The following PTPRR variants were observed in gnomAD, a reference collection of about 807,000 sequenced individuals.
PTPRR encodes protein tyrosine phosphatase receptor type R.
A neutral mutation model predicts 77.2 loss-of-function variants in PTPRR; 38 were observed. The observed-to-expected ratio is 0.49, with a 90% CI of 0.38 to 0.65. The LOEUF (loss-of-function observed/expected upper bound fraction) is 0.65. Ranked by LOEUF, PTPRR falls within the 30% of genes least tolerant of loss-of-function variation. PTPRR has a pLI of 0.00. For missense variants in PTPRR, 744 were observed against 799.2 expected (o/e 0.93, Z 0.83); for synonymous variants, 299 against 283.1 (o/e 1.06, Z -0.57).
At chr12:70,768,260 A>C (rs1385425953) in intron 2 of PTPRR, among the ~76,000 whole-genome samples, 1 of 152,232 alleles carries the variant, frequency 6.6e-6, no homozygotes, top group East Asian at 1.9e-4. Flanking sequence ...AAATTGATAG[A>C]CTGCTAGCAA....
chr12:70,666,963 T>G (rs1887029873), intron 10 of PTPRR, among the ~76,000 whole-genome samples: 2 of 116,246 alleles, frequency 1.7e-5, no homozygotes, highest in East Asian at 3.0e-4. Context: ...TTTTTTTTTT[T>G]TTTTTTTTTT....
At position 70,711,387 on chromosome 12, in the gene PTPRR, T is replaced by C. The variant is rs1176466848; in HGVS notation, c.1008-10064A>G. ...GGGGAAAAACACACACTGGAGCCTATTGGAGGGTAGAGAGTGGGAGGAGGA... is the reference window on the plus strand; with the variant it reads ...GGGGAAAAACACACACTGGAGCCTACTGGAGGGTAGAGAGTGGGAGGAGGA... On this transcript the variant is annotated intron_variant, in intron 6 of 13. Transcript: ENST00000283228. 5.3e-5 allele frequency among the ~76,000 whole-genome samples: 8 copies of C among 152,116 alleles called. No individual in the cohort carries two copies. In the East Asian group the frequency reaches 1.5e-3, roughly 29 times the overall value.
At chr12:70,663,772 T>C (rs956780673) in intron 10 of PTPRR, among the ~76,000 whole-genome samples, 1 of 152,224 alleles carries the variant, frequency 6.6e-6, no homozygotes, top group African/African-American at 2.4e-5. Context: ...ATAGCACTTA[T>C]TTTCTCCCAA....
At chr12:70,673,624 T>C (rs1887329423) in intron 10 of PTPRR, among the ~76,000 whole-genome samples, 1 of 152,224 alleles carries the variant, frequency 6.6e-6, no homozygotes, top group Non-Finnish European at 1.5e-5. Context: ...TAAGATTTTA[T>C]TTGTAATAGA....
At chr12:70,882,387 C>T (rs1893164292) in intron 2 of PTPRR, among the ~76,000 whole-genome samples, 1 of 152,076 alleles carries the variant, frequency 6.6e-6, no homozygotes, top group Non-Finnish European at 1.5e-5. Context: ...CTGCTGCCCA[C>T]CCCCTGGCTT....
chr12:70,760,884 T>C (rs1480003136), intron 4 of PTPRR, among the ~76,000 whole-genome samples: 2 of 151,902 alleles, frequency 1.3e-5, no homozygotes, highest in African/African-American at 4.8e-5. Context: ...CATTCAGGAG[T>C]GAGATGGTGG....
intron 4 of PTPRR, among the ~76,000 whole-genome samples, chr12:70,756,242 G>T (rs527789431): frequency 9.1e-4 from 139 of 152,100 alleles, no homozygotes; most frequent in African/African-American, 3.2e-3. Flanking sequence ...AATGATGAAA[G>T]AATTAACTCC....
chr12:70,638,185 A>T lies in PTPRR; in HGVS notation c.*999T>A, dbSNP rs1885826135. ...GTGTTTGCTGAGGGTAGTTATTTTA[A>T]TTTTTTTTGTCTCTTGAAGATTGAA... On this transcript the variant is annotated 3_prime_UTR_variant, in exon 14 of 14. Transcript: ENST00000283228. The T allele has an allele frequency of 6.6e-6, 1 of 152,378 alleles. No homozygotes were observed. Among genetic ancestry groups the T allele is most frequent in the East Asian group, 1.9e-4 (1 of 5,194 alleles). 9.4% of individuals were successfully genotyped at this position (152,378 alleles called of 1,614,324 possible). A position where few individuals can be genotyped will look rare whatever the true frequency, so the allele number is the denominator to read the frequency against.
chr12:70,671,904 G>A (rs147197030), intron 10 of PTPRR: 14,157 of 814,052 alleles, frequency 0.017, 192 homozygotes, highest in Admixed American at 0.045. Context: ...ACCAGCCACC[G>A]CCGCCAGGCT....
intron 2 of PTPRR, among the ~76,000 whole-genome samples, chr12:70,816,807 C>T (rs1377031023): frequency 1.3e-5 from 2 of 151,752 alleles, no homozygotes; most frequent in East Asian, 1.9e-4. Flanking sequence ...AAAATAGAAA[C>T]TATGTTTTTC....
chr12:70,701,655 T>C (rs1398809645), intron 6 of PTPRR, among the ~76,000 whole-genome samples: 1 of 152,186 alleles, frequency 6.6e-6, no homozygotes, highest in Non-Finnish European at 1.5e-5. Flanking sequence ...TCTATATCTA[T>C]ATCTTCTGAG....
At chr12:70,702,800 A>G (rs1888478454) in intron 6 of PTPRR, among the ~76,000 whole-genome samples, 1 of 152,168 alleles carries the variant, frequency 6.6e-6, no homozygotes, top group Admixed American at 6.5e-5. Context: ...TTCTAGTTAT[A>G]GTTGTGGAAA....
chr12:70,800,266 C>CTTTTTT (rs754416357), intron 2 of PTPRR, among the ~76,000 whole-genome samples: 1 of 144,746 alleles, frequency 6.9e-6, no homozygotes, highest in Non-Finnish European at 1.5e-5. Flanking sequence ...ACTGTTCTCT[C>CTTTTTT]TCTTTTTTTT....
At chr12:70,791,868 T>G (rs1173037744) in intron 2 of PTPRR, among the ~76,000 whole-genome samples, 3 of 152,198 alleles carry the variant, frequency 2.0e-5, no homozygotes, top group African/African-American at 7.2e-5. Flanking sequence ...AATTACCATG[T>G]GTATCTGGAA....
intron 10 of PTPRR, among the ~76,000 whole-genome samples, chr12:70,663,111 T>C (rs995220249): frequency 6.6e-6 from 1 of 152,220 alleles, no homozygotes; most frequent in African/African-American, 2.4e-5. Context: ...GTTTCCTTTA[T>C]ATGTAAGGCA....
chr12:70,745,036 A>C (rs1480818598), intron 6 of PTPRR, among the ~76,000 whole-genome samples: 1 of 152,192 alleles, frequency 6.6e-6, no homozygotes, highest in Non-Finnish European at 1.5e-5. Flanking sequence ...AATACATCAC[A>C]AAAAAGGTAA....
At chr12:70,656,637 G>A (rs746350124) in intron 13 of PTPRR, 67 bp downstream of exon 13, 171 of 1,112,214 alleles carry the variant, frequency 1.5e-4, no homozygotes, top group Non-Finnish European at 2.3e-4. Flanking sequence ...TATGCATGAA[G>A]TCAGGCTGAT....
At chr12:70,785,107 C>A (rs1306857361) in intron 2 of PTPRR, among the ~76,000 whole-genome samples, 1 of 152,204 alleles carries the variant, frequency 6.6e-6, no homozygotes, top group African/African-American at 2.4e-5. Context: ...CACTCTCCAT[C>A]CTGTCCCTTC....
chr12:70,720,509 ATTTTTTT>A (rs34611421), intron 6 of PTPRR, among the ~76,000 whole-genome samples: 1 of 136,834 alleles, frequency 7.3e-6, no homozygotes, highest in Non-Finnish European at 1.6e-5. Flanking sequence ...TACCCTGGTA[ATTTTTTT>A]TTTTTTTTTT....
Sources: allele counts gnomAD v4.1 joint callset (sites outside exome capture counted in the v4.1 genomes callset), GRCh38; gene constraint gnomAD v4.1.1; transcripts MANE v1.5; gene names NCBI Gene and HGNC (gene_info 2026-07-23, HGNC 2026-07-21).